The following TMEM145 variants were observed in gnomAD, a reference collection of about 807,000 sequenced individuals.
TMEM145 encodes the protein transmembrane protein 145.
TMEM145 carries 46 observed loss-of-function variants against 68.5 expected under a neutral mutation model. That is an observed-to-expected ratio of 0.67 (90% confidence interval 0.53 to 0.86). The LOEUF (loss-of-function observed/expected upper bound fraction) is 0.86. TMEM145 is among the 40% of genes least tolerant of loss of function. TMEM145 has a pLI of 0.00. For synonymous variants in TMEM145, 255 were observed against 280.2 expected, an observed-to-expected ratio of 0.91 and a Z score of 0.90; for missense variants, 570 against 645.8, an observed-to-expected ratio of 0.88 and a Z score of 1.27.
At chr19:42,314,238 C>G in intron 1 of TMEM145, 34 bp from the exon 2 acceptor site, 2 of 1,612,322 alleles carry the variant, frequency 1.2e-6, no homozygotes, top group Non-Finnish European at 1.7e-6. Flanking sequence ...TCTTGAAGGA[C>G]TCAGCGGAGG....
At position 42,313,581 on chromosome 19, in the gene TMEM145, C is replaced by T; in HGVS notation, c.120+85C>T. The T allele has an allele frequency of 1.9e-6, 2 of 1,072,960 alleles. No individual in the cohort carries two copies. The highest frequency in any genetic ancestry group is 2.4e-6 in the Non-Finnish European group (2 of 837,560). The allele number at this position is 1,072,960 out of a possible 1,614,324, so 66.5% of individuals were successfully genotyped here. On this transcript the variant is annotated intron_variant, in intron 1 of 14. Coordinates refer to ENST00000301204, the MANE Select transcript of TMEM145 (RefSeq NM_173633.3). The surrounding 1 kb of genome is among the most constrained non-coding windows in gnomAD (Gnocchi z 5.1). ...AGGGGAGCGGGTACCGCCTCGCCCC[C>T]TGCCGCCCCTCCTGGCGGACTCCGG...
intron 12 of TMEM145, 37 bp from the exon 13 acceptor site, chr19:42,320,280 G>A (rs150335401): frequency 0.014 from 22,482 of 1,611,764 alleles, 222 homozygotes; most frequent in Non-Finnish European, 0.018. Context: ...TGGAGGACAG[G>A]AGCAGTGTCT....
chr19:42,323,929 C>T, intron 14 of TMEM145, 140 bp downstream of exon 14: 1 of 744,284 alleles, frequency 1.3e-6, no homozygotes, highest in South Asian at 2.0e-5. Flanking sequence ...CGCGCCCCAA[C>T]ACCGCGCCGC....
intron 12 of TMEM145, among the ~76,000 whole-genome samples, chr19:42,320,054 C>G (rs1054602202): frequency 1.3e-5 from 2 of 152,156 alleles, no homozygotes; most frequent in Non-Finnish European, 2.9e-5. Flanking sequence ...CCACCGTGCC[C>G]GGGCTGTCTA....
rs368571313 is a variant in TMEM145, at chr19:42,314,260, C to T, written c.121-12C>T. On this transcript the variant is annotated splice_polypyrimidine_tract_variant and intron_variant, in intron 1 of 14. Coordinates refer to ENST00000301204, the MANE Select transcript of TMEM145 (RefSeq NM_173633.3). ...GGACTCAGCGGAGGGTCAGACTGGGCCCCTTTTTCAGGACTGGGTGTTCCT... is the reference window on the plus strand; with the variant it reads ...GGACTCAGCGGAGGGTCAGACTGGGTCCCTTTTTCAGGACTGGGTGTTCCT... 23 of 1,613,874 alleles carry T rather than the reference C, an allele frequency of 1.4e-5. No homozygotes were observed. In the Middle Eastern group the frequency reaches 1.6e-3, roughly 116 times the overall value.
At chr19:42,320,291 C>T (rs1277583256) in intron 12 of TMEM145, 26 bp from the exon 13 acceptor site, 2 of 1,612,928 alleles carry the variant, frequency 1.2e-6, no homozygotes, top group Non-Finnish European at 1.7e-6. Context: ...AGCAGTGTCT[C>T]TACTGACCCA....
intron 12 of TMEM145, among the ~76,000 whole-genome samples, chr19:42,319,435 T>C (rs1399537434): frequency 6.8e-6 from 1 of 147,104 alleles, no homozygotes; most frequent in African/African-American, 2.4e-5. Context: ...CAAATATCTA[T>C]TTTTTTTTGT....
rs145159652 is a variant in TMEM145, at chr19:42,320,396, A to G, written c.1153A>G (p.Ile385Val). ...GGCCCGGGAGAAGATTGTCAATGGCATCCAGCTGGGGATCCACTTGTACGC... is the reference window on the plus strand; with the variant it reads ...GGCCCGGGAGAAGATTGTCAATGGCGTCCAGCTGGGGATCCACTTGTACGC... ...KWAREKIVNG[I>V]QLGIHLYAHG... The change falls in exon 13 of 15, where the codon ATC (isoleucine) becomes GTC (valine). Residue 385 changes from isoleucine to valine, a missense_variant. Coordinates refer to ENST00000301204, the MANE Select transcript of TMEM145 (RefSeq NM_173633.3). The G allele has an allele frequency of 7.4e-6, 12 of 1,614,098 alleles. No homozygotes were observed. Among genetic ancestry groups the G allele is most frequent in the Admixed American group, 6.7e-5 (4 of 60,026 alleles).
rs2038872769 is a variant in TMEM145, at chr19:42,317,729, A to G, written c.921A>G (p.Val307=). 3 of 1,614,106 alleles carry G rather than the reference A, an allele frequency of 1.9e-6. No individual in the cohort carries two copies. The South Asian group carries it at 3.3e-5, about 18-fold the overall frequency. The change falls in exon 12 of 15, where the codon GTA becomes GTG. Residue 307 remains valine, a synonymous_variant. Transcript: ENST00000301204. ...TCTAGTTCTTTGACCCAGGCCAGGT[A>G]CTGTACACGTATGAGTCGCCGGCCG... ...YEAEFFDPGQ[V]LYTYESPAGY...
chr19:42,313,461 G>A lies in TMEM145; in HGVS notation c.85G>A (p.Ala29Thr). ...LLLSLPPRARAKYVRGNLSSK... is the reference protein window; with the variant it reads ...LLLSLPPRARTKYVRGNLSSK... ...GCTGTCACTGCCCCCCCGCGCCCGG[G>A]CCAAGTACGTGCGGGGCAACCTCAG... Residue 29 changes from alanine (A) to threonine (T), a missense_variant, in exon 1 of 15, where the codon GCC becomes ACC. Physicochemically the swap from Ala to Thr is moderately conservative, Grantham distance 58. Transcript: ENST00000301204. This position sits in a 1 kb window ranked among gnomAD's most constrained non-coding sequence, Gnocchi z 5.1. 3 of 1,361,002 alleles carry A rather than the reference G, an allele frequency of 2.2e-6. No individual in the cohort carries two copies. The highest frequency in any genetic ancestry group is 9.5e-7 in the Non-Finnish European group (1 of 1,053,726). The allele number at this position is 1,361,002 out of a possible 1,614,324, so 84.3% of individuals were successfully genotyped here. A position where few individuals can be genotyped will look rare whatever the true frequency, so the allele number is the denominator to read the frequency against.
intron 14 of TMEM145, 23 bp from the exon 15 acceptor site, chr19:42,324,714 G>T: frequency 6.9e-7 from 1 of 1,450,460 alleles, no homozygotes; most frequent in Non-Finnish European, 9.0e-7. Flanking sequence ...CGCGGGAGCC[G>T]CTCTCCCCGT....
rs1357988855 is a variant in TMEM145, at chr19:42,314,745, C to A, written c.360+46C>A. 10 of 1,614,076 alleles carry A rather than the reference C, an allele frequency of 6.2e-6. No individual in the cohort carries two copies. In the Admixed American group the frequency reaches 6.7e-5, roughly 11 times the overall value. On this transcript the variant is annotated intron_variant, in intron 4 of 14. Coordinates refer to ENST00000301204, the MANE Select transcript of TMEM145 (RefSeq NM_173633.3). ...AGTGGGCAGGTGCTGAAGGATGAAG[C>A]CTTCGGGGCATCAAGGACAGGCTTC...
At position 42,314,987 on chromosome 19, in the gene TMEM145, C is replaced by T. The variant is rs778109058; in HGVS notation, c.421-6C>T. The T allele has an allele frequency of 8.7e-6, 14 of 1,614,162 alleles. No homozygotes were observed. Among genetic ancestry groups the T allele is most frequent in the Non-Finnish European group, 1.2e-5 (14 of 1,179,994 alleles). On this transcript the variant is annotated splice_region_variant and splice_polypyrimidine_tract_variant and intron_variant, in intron 5 of 14. Coordinates refer to ENST00000301204, the MANE Select transcript of TMEM145 (RefSeq NM_173633.3). ...GGCCCCCCTTAGGCCTCCCTACCCC[C>T]CACAGGGTGATGGATTGCAGCTGGA...
intron 13 of TMEM145, chr19:42,321,243 T>C (rs1452706972): frequency 5.1e-6 from 2 of 392,856 alleles, no homozygotes; most frequent in Non-Finnish European, 9.0e-6. Flanking sequence ...TTTTTTTTTT[T>C]GAGACGGAGT....
chr19:42,321,348 T>G (rs375844001), intron 13 of TMEM145: 1 of 356,924 alleles, frequency 2.8e-6, no homozygotes, highest in Non-Finnish European at 5.0e-6. Flanking sequence ...CCGGAGTAGC[T>G]GGGACTACAG....
Position 42,313,462 on chromosome 19 carries a change from C to A in TMEM145, c.86C>A (p.Ala29Asp). The A allele has an allele frequency of 7.3e-7, 1 of 1,360,612 alleles. No individual in the cohort carries two copies. The highest frequency in any genetic ancestry group is 9.5e-7 in the Non-Finnish European group (1 of 1,053,478). The allele number at this position is 1,360,612 out of a possible 1,614,324, so 84.3% of individuals were successfully genotyped here. The stretch of plus-strand genomic sequence containing the variant: ...CTGTCACTGCCCCCCCGCGCCCGGG[C>A]CAAGTACGTGCGGGGCAACCTCAGT... ...LLLSLPPRAR[A>D]KYVRGNLSSK... The change falls in exon 1 of 15, where the codon GCC (alanine) becomes GAC (aspartate). Residue 29 changes from alanine to aspartate, a missense_variant. Ala to Asp is a moderately radical substitution (Grantham distance 126). Transcript: ENST00000301204. This position sits in a 1 kb window ranked among gnomAD's most constrained non-coding sequence, Gnocchi z 5.1.
intron 13 of TMEM145, 21 bp downstream of exon 13, chr19:42,320,458 G>A: frequency 6.2e-7 from 1 of 1,613,432 alleles, no homozygotes; most frequent in South Asian, 1.1e-5. Context: ...GCATCTGTGG[G>A]GGGTGGAGGG....
chr19:42,323,134 AC>A (rs2038927035), intron 13 of TMEM145, among the ~76,000 whole-genome samples: 1 of 152,166 alleles, frequency 6.6e-6, no homozygotes, highest in Non-Finnish European at 1.5e-5. Context: ...GTCCAATTGA[AC>A]TTTCTGTATT....
In TMEM145 at chr19:42,313,458, C is replaced by T; in HGVS notation, c.82C>T (p.Arg28Trp). Residue 28 changes from arginine (R) to tryptophan (W), a missense_variant, in exon 1 of 15, where the codon CGG becomes TGG. Transcript: ENST00000301204. This position sits in a 1 kb window ranked among gnomAD's most constrained non-coding sequence, Gnocchi z 5.1. ...LLLLSLPPRA[R>W]AKYVRGNLSS... ...GCTGCTGTCACTGCCCCCCCGCGCCCGGGCCAAGTACGTGCGGGGCAACCT... is the reference window on the plus strand; with the variant it reads ...GCTGCTGTCACTGCCCCCCCGCGCCTGGGCCAAGTACGTGCGGGGCAACCT... 1.5e-6 allele frequency: 2 copies of T among 1,368,248 alleles called. No homozygotes were observed. The highest frequency in any genetic ancestry group is 1.9e-6 in the Non-Finnish European group (2 of 1,056,858). 84.8% of individuals were successfully genotyped at this position (1,368,248 alleles called of 1,614,324 possible).
Sources: allele counts gnomAD v4.1 joint callset (sites outside exome capture counted in the v4.1 genomes callset), GRCh38; gene constraint gnomAD v4.1.1; non-coding constraint Gnocchi (gnomAD v3.1); transcripts MANE v1.5; gene names NCBI Gene and HGNC (gene_info 2026-07-23, HGNC 2026-07-21).